Variants in MIS18BP1 observed in about 807,000 individuals in gnomAD.
MIS18BP1 encodes MIS18 binding protein 1.
In MIS18BP1, 72 loss-of-function variants were observed where a neutral mutation model predicts 116.1. That is an observed-to-expected ratio of 0.62 (90% confidence interval 0.51 to 0.75). MIS18BP1 has a LOEUF of 0.75. Among genes scored for constraint, MIS18BP1 ranks in the 30% least tolerant of loss-of-function variants. The pLI, the probability that MIS18BP1 is intolerant of heterozygous loss-of-function variation, is 0.00. For missense variants in MIS18BP1, 1,363 were observed against 1,303.2 expected (o/e 1.05, Z -0.71); for synonymous variants, 386 against 427.0 (o/e 0.90, Z 1.18).
chr14:45,236,695 CTTAT>C (rs1249176814), intron 5 of MIS18BP1, among the ~76,000 whole-genome samples: 2 of 152,170 alleles, frequency 1.3e-5, no homozygotes, highest in Admixed American at 6.5e-5. Flanking sequence ...GCTTTATTTA[CTTAT>C]TTAAGAAACT....
intron 13 of MIS18BP1, among the ~76,000 whole-genome samples, chr14:45,211,612 G>T (rs1890674354): frequency 6.6e-6 from 1 of 152,118 alleles, no homozygotes; most frequent in Non-Finnish European, 1.5e-5. Flanking sequence ...TGTTATATTG[G>T]CTTCTTTTTA....
In MIS18BP1 at chr14:45,223,949, A is replaced by ATTCCT; in HGVS notation, c.2633_2637dup (p.Trp880ArgfsTer29). On this transcript the variant is annotated frameshift_variant, in exon 11 of 17. Coordinates refer to ENST00000310806, the MANE Select transcript of MIS18BP1 (RefSeq NM_018353.5). LOFTEE classifies it high-confidence loss of function. ...AGTTTCTGTAACTCCTTCTCATTCC[A>ATTCCT]TTCCTTATCCTGAATTAAACCAGGT... 1 of 1,591,870 alleles carries ATTCCT rather than the reference A, an allele frequency of 6.3e-7. No homozygotes were observed. Among genetic ancestry groups the ATTCCT allele is most frequent in the Non-Finnish European group, 8.5e-7 (1 of 1,174,064 alleles).
At chr14:45,210,614 T>C in intron 13 of MIS18BP1, 86 bp from the exon 14 acceptor site, 1 of 1,497,420 alleles carries the variant, frequency 6.7e-7, no homozygotes, top group East Asian at 2.3e-5. Flanking sequence ...GACTGATAAG[T>C]TGGTTCTTCT....
chr14:45,227,674 A>C lies in MIS18BP1; in HGVS notation c.1735T>G (p.Leu579Val). 6.2e-7 allele frequency: 1 copy of C among 1,612,828 alleles called. No homozygotes were observed. The highest frequency in any genetic ancestry group is 8.5e-7 in the Non-Finnish European group (1 of 1,178,834). Residue 579 changes from leucine to valine, a missense_variant, in exon 9 of 17, where the codon TTA becomes GTA. Physicochemically the swap from Leu to Val is conservative, Grantham distance 32 (BLOSUM62 1). Coordinates refer to ENST00000310806, the MANE Select transcript of MIS18BP1 (RefSeq NM_018353.5). Reference protein sequence around the residue: ...NTIQNGGGDDLSNQELIGKKE... With the variant: ...NTIQNGGGDDVSNQELIGKKE... ...CAATAAAGCCTTACCTGATTAGATA[A>C]GTCATCTCCTCCTCCATTTTGAATA...
intron 8 of MIS18BP1, among the ~76,000 whole-genome samples, chr14:45,228,906 C>T (rs764061217): frequency 5.9e-5 from 9 of 152,132 alleles, no homozygotes; most frequent in Admixed American, 2.6e-4. Flanking sequence ...GGTACCTTTA[C>T]ATAACCTTAG....
chr14:45,252,944 A>C (rs1031871014), intron 1 of MIS18BP1, 91 bp downstream of exon 1: 1 of 152,146 alleles, frequency 6.6e-6, no homozygotes, highest in Non-Finnish European at 1.5e-5. Flanking sequence ...AATAAATAAA[A>C]CCGCGTGAGC....
intron 9 of MIS18BP1, 99 bp downstream of exon 9, chr14:45,227,564 A>C: frequency 1.9e-6 from 2 of 1,052,198 alleles, no homozygotes; most frequent in Middle Eastern, 3.2e-4. Flanking sequence ...AAAAAAAAAA[A>C]ACAGAACTCA....
intron 4 of MIS18BP1, chr14:45,241,816 C>A: frequency 2.1e-6 from 1 of 478,598 alleles, no homozygotes; most frequent in Non-Finnish European, 3.6e-6. Context: ...TAAGACTTAA[C>A]ATGTGGGTCT....
At chr14:45,229,404 T>C (rs1247707624) in intron 8 of MIS18BP1, among the ~76,000 whole-genome samples, 1 of 151,284 alleles carries the variant, frequency 6.6e-6, no homozygotes, top group Non-Finnish European at 1.5e-5. Flanking sequence ...CTTTGGAGGC[T>C]GAGGTGGGAG....
Position 45,227,766 on chromosome 14 carries a change from TTTAA to T in MIS18BP1, c.1639_1642del (p.Leu547ThrfsTer13). Reference sequence around the variant, plus strand: ...ATTTTGGCAATTACTGTGGCACATGTTTAATTCTGTAGCTCCTGGTGACTCACTG... The same window carrying T: ...ATTTTGGCAATTACTGTGGCACATGTTTCTGTAGCTCCTGGTGACTCACTG... On this transcript the variant is annotated frameshift_variant, in exon 9 of 17. Coordinates refer to ENST00000310806, the MANE Select transcript of MIS18BP1 (RefSeq NM_018353.5). LOFTEE classifies it high-confidence loss of function. The T allele has an allele frequency of 6.2e-7, 1 of 1,614,036 alleles. No individual in the cohort carries two copies. The highest frequency in any genetic ancestry group is 8.5e-7 in the Non-Finnish European group (1 of 1,179,904).
intron 12 of MIS18BP1, among the ~76,000 whole-genome samples, chr14:45,217,814 A>C (rs1028735239): frequency 2.6e-5 from 4 of 152,170 alleles, no homozygotes; most frequent in Admixed American, 2.6e-4. Context: ...TTTTGCCAAA[A>C]TATATAAACC....
At chr14:45,206,641 A>G (rs568309689) in intron 14 of MIS18BP1, among the ~76,000 whole-genome samples, 1 of 152,354 alleles carries the variant, frequency 6.6e-6, no homozygotes, top group South Asian at 2.1e-4. Context: ...TAAAGAGGAC[A>G]ATAAAATGTG....
intron 2 of MIS18BP1, among the ~76,000 whole-genome samples, chr14:45,246,186 G>A (rs370307547): frequency 3.9e-5 from 6 of 152,152 alleles, no homozygotes; most frequent in South Asian, 2.1e-4. Flanking sequence ...AAAACCCTCC[G>A]ATGGCTTATT....
chr14:45,208,922 GA>G (rs1890600148), intron 14 of MIS18BP1, among the ~76,000 whole-genome samples: 1 of 152,022 alleles, frequency 6.6e-6, no homozygotes, highest in Admixed American at 6.6e-5. Flanking sequence ...TTGCCAAATG[GA>G]ATAGCCTATT....
In MIS18BP1 at chr14:45,237,696, A is replaced by G; in HGVS notation, c.1169T>C (p.Ile390Thr). The G allele has an allele frequency of 4.4e-6, 7 of 1,603,152 alleles. No homozygotes were observed. Among genetic ancestry groups the G allele is most frequent in the Non-Finnish European group, 6.0e-6 (7 of 1,176,200 alleles). The part of the protein sequence containing the change: ...NQVVQLQEWM[I>T]KSINNNTAIC... ...AGCAGTATTATTATTGATGCTTTTA[A>G]TCATCCATTCCTGTAGCTGAACTAC... Residue 390 changes from isoleucine (I) to threonine (T), a missense_variant, in exon 5 of 17, where the codon ATT becomes ACT. Ile to Thr is a moderately conservative substitution (Grantham distance 89, BLOSUM62 -1). Coordinates refer to ENST00000310806, the MANE Select transcript of MIS18BP1 (RefSeq NM_018353.5).
At chr14:45,243,286 A>G (rs1031457185) in intron 2 of MIS18BP1, among the ~76,000 whole-genome samples, 2 of 152,188 alleles carry the variant, frequency 1.3e-5, no homozygotes, top group Non-Finnish European at 2.9e-5. Context: ...TTTCTAAAGC[A>G]TGAAAGATAG....
rs1437273286 is a variant in MIS18BP1, at chr14:45,246,782, T to G, written c.505A>C (p.Asn169His). 2.5e-6 allele frequency: 4 copies of G among 1,578,842 alleles called. No homozygotes were observed. In the South Asian group the frequency reaches 4.8e-5, roughly 19 times the overall value. The change falls in exon 2 of 17, where the codon AAC (asparagine) becomes CAC (histidine). Residue 169 changes from asparagine to histidine, a missense_variant. Transcript: ENST00000310806. ...TCATCTGACTGGAATGATTTGTTGT[T>G]TTCCTTTTCTTCACATAGGTAGGTA... ...QHTYLCEEKENNKSFQSDDSS... is the reference protein window; with the variant it reads ...QHTYLCEEKEHNKSFQSDDSS...
chr14:45,251,241 G>C (rs1456636787), intron 1 of MIS18BP1, among the ~76,000 whole-genome samples: 2 of 151,934 alleles, frequency 1.3e-5, no homozygotes, highest in African/African-American at 4.8e-5. Context: ...ACTGCCAACA[G>C]TATTCAGTAA....
intron 11 of MIS18BP1, among the ~76,000 whole-genome samples, chr14:45,222,043 CAG>C (rs1441834648): frequency 6.6e-6 from 1 of 152,110 alleles, no homozygotes; most frequent in African/African-American, 2.4e-5. Flanking sequence ...TCTATTTTGA[CAG>C]ATATTAATAT....
Sources: allele counts gnomAD v4.1 joint callset (sites outside exome capture counted in the v4.1 genomes callset), GRCh38; gene constraint gnomAD v4.1.1; transcripts MANE v1.5; gene names NCBI Gene and HGNC (gene_info 2026-07-23, HGNC 2026-07-21).